The following NINJ2 variants were observed in gnomAD, a reference collection of about 807,000 sequenced individuals.
The protein encoded by NINJ2 is ninjurin-2.
In NINJ2, 12 loss-of-function variants were observed where a neutral mutation model predicts 11.7. The observed-to-expected ratio is 1.02, with a 90% CI of 0.66 to 1.66. NINJ2 has a LOEUF of 1.66. Ranked by LOEUF, NINJ2 falls within the 40% of genes most tolerant of loss-of-function variation. The pLI is 0.00. For missense variants in NINJ2, 187 were observed against 181.8 expected (o/e 1.03, Z -0.16); for synonymous variants, 93 against 76.8 (o/e 1.21, Z -1.10).
intron 1 of NINJ2, among the ~76,000 whole-genome samples, chr12:651,177 TCTC>T (rs577221389): frequency 4.7e-4 from 71 of 152,192 alleles, no homozygotes; most frequent in African/African-American, 1.3e-3. Flanking sequence ...CAGAGAAAAA[TCTC>T]CTCATGCTTC....
At chr12:653,665 T>C (rs1411159254) in intron 1 of NINJ2, among the ~76,000 whole-genome samples, 1 of 150,896 alleles carries the variant, frequency 6.6e-6, no homozygotes, top group African/African-American at 2.4e-5. Context: ...CAGGAACATA[T>C]AAAATGCTCA....
chr12:660,176 T>C (rs1592121849), intron 1 of NINJ2, among the ~76,000 whole-genome samples: 1 of 151,000 alleles, frequency 6.6e-6, no homozygotes, highest in African/African-American at 2.4e-5. Context: ...TGGTCCCAGC[T>C]ATTTAGGAGG....
intron 1 of NINJ2, among the ~76,000 whole-genome samples, chr12:650,326 CCAGGTGATGTACCTGAGCT>C (rs1428479413): frequency 6.6e-6 from 1 of 150,388 alleles, no homozygotes; most frequent in Non-Finnish European, 1.5e-5. Flanking sequence ...AGGTGATGTA[CCAGGTGATGTACCTGAGCT>C]CAGGTGATGT....
chr12:624,612 A>G (rs1948190601), intron 1 of NINJ2, among the ~76,000 whole-genome samples: 1 of 152,152 alleles, frequency 6.6e-6, no homozygotes. Flanking sequence ...GTTCAAGACC[A>G]GCCTGGCCAA....
chr12:596,503 C>T (rs1947788144), intron 1 of NINJ2, among the ~76,000 whole-genome samples: 1 of 151,984 alleles, frequency 6.6e-6, no homozygotes, highest in African/African-American at 2.4e-5. Context: ...TACCTTCCTC[C>T]CAATTTCGCT....
chr12:624,330 T>C (rs1592103839), intron 1 of NINJ2, among the ~76,000 whole-genome samples: 1 of 152,188 alleles, frequency 6.6e-6, no homozygotes, highest in Admixed American at 6.5e-5. Flanking sequence ...ATTTATCCAA[T>C]AGATATTTAT....
chr12:655,609 C>G (rs1418539754), intron 1 of NINJ2, among the ~76,000 whole-genome samples: 1 of 152,012 alleles, frequency 6.6e-6, no homozygotes, highest in African/African-American at 2.4e-5. Context: ...TTAAATAAAT[C>G]AAGGAACTAA....
At chr12:597,671 A>G (rs773271928) in intron 1 of NINJ2, among the ~76,000 whole-genome samples, 9 of 152,232 alleles carry the variant, frequency 5.9e-5, no homozygotes, top group Non-Finnish European at 1.3e-4. Context: ...TGAAATTTCC[A>G]CTTCTCTTGC....
chr12:638,708 C>T (rs528431245), intron 1 of NINJ2, among the ~76,000 whole-genome samples: 87 of 152,372 alleles, frequency 5.7e-4, no homozygotes, highest in African/African-American at 1.7e-3. Context: ...AGCCACCGCG[C>T]CCGGCCGACA....
In NINJ2 at chr12:566,713, G is replaced by A. The variant is rs189658931; in HGVS notation, c.34-535C>T. Among the ~76,000 whole-genome samples, 16 of 152,316 alleles carry A rather than the reference G, an allele frequency of 1.1e-4. No homozygotes were observed. In the East Asian group the frequency reaches 2.7e-3, roughly 26 times the overall value. On this transcript the variant is annotated intron_variant, in intron 1 of 3. Transcript: ENST00000305108. The stretch of plus-strand genomic sequence containing the variant: ...AACCCTCAGGAGCACTGGAGCTGCC[G>A]CCCTGCTCAGGCACACACGCTGTCA...
chr12:588,088 C>T (rs2120862300), intron 1 of NINJ2, among the ~76,000 whole-genome samples: 1 of 151,590 alleles, frequency 6.6e-6, no homozygotes, highest in Non-Finnish European at 1.5e-5. Flanking sequence ...AGATAGGTTT[C>T]CCCTTGAAAA....
chr12:599,577 C>A (rs1947837913), intron 1 of NINJ2, among the ~76,000 whole-genome samples: 1 of 152,134 alleles, frequency 6.6e-6, no homozygotes, highest in South Asian at 2.1e-4. Flanking sequence ...GGGGTATTAT[C>A]CCCCCATTTA....
intron 1 of NINJ2, among the ~76,000 whole-genome samples, chr12:605,594 C>T (rs760938193): frequency 1.3e-5 from 2 of 152,164 alleles, no homozygotes. Flanking sequence ...AGAGAGACAA[C>T]ATTAAGACAC....
chr12:617,685 C>T (rs1036635990), intron 1 of NINJ2, among the ~76,000 whole-genome samples: 3 of 152,306 alleles, frequency 2.0e-5, no homozygotes, highest in Non-Finnish European at 4.4e-5. Context: ...CTGGCGTCGC[C>T]GTGTTTTCTG....
Position 565,236 on chromosome 12 carries a change from C to T in NINJ2, c.428G>A (p.Ter143=). The T allele has an allele frequency of 1.9e-6, 3 of 1,613,018 alleles. No individual in the cohort carries two copies. Among genetic ancestry groups the T allele is most frequent in the Non-Finnish European group, 2.5e-6 (3 of 1,179,384 alleles). The change falls in exon 3 of 4, where the codon TGA becomes TAA. Residue 143 remains the stop codon, a stop_retained_variant. Coordinates refer to ENST00000305108, the MANE Select transcript of NINJ2 (RefSeq NM_016533.6). ...CCTCACCTGGGTCCCAGGCTGCATT[C>T]AGAGAGGATTCCTTGAGGCCCTGGC... ...LAARASRNPL[*]
intron 1 of NINJ2, among the ~76,000 whole-genome samples, chr12:627,962 TA>T (rs1455794383): frequency 6.6e-6 from 1 of 152,170 alleles, no homozygotes; most frequent in Non-Finnish European, 1.5e-5. Context: ...CTCAATCAGC[TA>T]GGCCAAGTCC....
At chr12:593,906 T>G (rs1264103563) in intron 1 of NINJ2, among the ~76,000 whole-genome samples, 1 of 152,024 alleles carries the variant, frequency 6.6e-6, no homozygotes, top group East Asian at 1.9e-4. Flanking sequence ...ATAGCTTAAA[T>G]AAAAGTAAAA....
chr12:639,525 T>C (rs1253414828), intron 1 of NINJ2, among the ~76,000 whole-genome samples: 2 of 152,046 alleles, frequency 1.3e-5, no homozygotes, highest in East Asian at 3.9e-4. Flanking sequence ...TGGATGGCAC[T>C]CAGAATGCTG....
In NINJ2 at chr12:585,464, C is replaced by T. The variant is rs1316140646; in HGVS notation, c.34-19286G>A. Among the ~76,000 whole-genome samples, 5 of 151,398 alleles carry T rather than the reference C, an allele frequency of 3.3e-5. No individual in the cohort carries two copies. In the East Asian group the frequency reaches 7.7e-4, roughly 23 times the overall value. On this transcript the variant is annotated intron_variant, in intron 1 of 3. Coordinates refer to ENST00000305108, the MANE Select transcript of NINJ2 (RefSeq NM_016533.6). This position sits in a 1 kb window ranked among gnomAD's most constrained non-coding sequence, Gnocchi z 4.1. ...GTCAGTCCTATCCTCATCAGGCAGG[C>T]AACGGTTGGAGGAAGGGAACGGTTG...
Sources: allele counts gnomAD v4.1 joint callset (sites outside exome capture counted in the v4.1 genomes callset), GRCh38; gene constraint gnomAD v4.1.1; non-coding constraint Gnocchi (gnomAD v3.1); transcripts MANE v1.5; gene names NCBI Gene and HGNC (gene_info 2026-07-23, HGNC 2026-07-21).